Variants in PPAN observed in about 807,000 individuals in gnomAD.
PPAN encodes suppressor of SWI4 1 homolog.
In PPAN, 39 loss-of-function variants were observed where a neutral mutation model predicts 48.5. The ratio of observed to expected loss-of-function variants is 0.80; its 90% confidence interval spans 0.62 to 1.05. The LOEUF is 1.05. PPAN is among the 50% of genes least tolerant of loss of function. The probability of loss-of-function intolerance (pLI) is 0.00; values close to 1 mark genes in which losing one functional copy is unlikely to be tolerated. For synonymous variants in PPAN, 315 were observed against 268.6 expected (o/e 1.17, Z -1.69); for missense variants, 736 against 661.7 (o/e 1.11, Z -1.23).
At chr19:10,108,225 C>T (rs962581465) in intron 5 of PPAN, 91 bp downstream of exon 5, 29 of 1,490,736 alleles carry the variant, frequency 1.9e-5, no homozygotes, top group South Asian at 5.4e-5. Flanking sequence ...CTCCTCCCAG[C>T]GCTGAGACTG....
chr19:10,107,351 C>T (rs924010064), intron 2 of PPAN, among the ~76,000 whole-genome samples, 154 bp from the exon 3 acceptor site: 1 of 152,180 alleles, frequency 6.6e-6, no homozygotes, highest in African/African-American at 2.4e-5. Flanking sequence ...AATCTGCGTC[C>T]GACTGACTCT....
intron 2 of PPAN, 75 bp from the exon 3 acceptor site, chr19:10,107,430 A>G: frequency 6.6e-7 from 1 of 1,504,246 alleles, no homozygotes; most frequent in East Asian, 2.3e-5. Context: ...CCATAACAGG[A>G]TCTGCACCGT....
At chr19:10,107,303 G>A (rs1224041222) in intron 2 of PPAN, among the ~76,000 whole-genome samples, 1 of 152,210 alleles carries the variant, frequency 6.6e-6, no homozygotes, top group Non-Finnish European at 1.5e-5. Context: ...TTGTCAATGG[G>A]AAGATGCGCT....
intron 2 of PPAN, among the ~76,000 whole-genome samples, chr19:10,107,283 G>C (rs1016092796): frequency 6.6e-6 from 1 of 152,194 alleles, no homozygotes; most frequent in Non-Finnish European, 1.5e-5. Context: ...CTGGGCCTGA[G>C]TTCGCTCATT....
Position 10,107,833 on chromosome 19 carries a change from C to T in PPAN, c.321C>T (p.Thr107=), listed in dbSNP as rs1356369343. Residue 107 remains threonine (T), a synonymous_variant, in exon 4 of 12, where the codon ACC becomes ACT. Transcript: ENST00000253107. ...TGATGCGCCTCCCAGGAGGCCCCAC[C>T]TTGACCTTCCAGGTCAAGAAGGTGA... ...FKLMRLPGGP[T]LTFQVKKYSL... 1.2e-6 allele frequency: 2 copies of T among 1,613,726 alleles called. No individual in the cohort carries two copies. Among genetic ancestry groups the T allele is most frequent in the African/African-American group, 1.3e-5 (1 of 75,054 alleles).
At chr19:10,107,364 A>C (rs1243078156) in intron 2 of PPAN, 141 bp from the exon 3 acceptor site, 7 of 808,052 alleles carry the variant, frequency 8.7e-6, no homozygotes, top group Non-Finnish European at 1.3e-5. Context: ...CTGACTCTAA[A>C]GGCTAAGATC....
Position 10,110,692 on chromosome 19 carries a change from TC to T in PPAN, c.1032-3del. 6.2e-7 allele frequency: 1 copy of T among 1,613,080 alleles called. No individual in the cohort carries two copies. Among genetic ancestry groups the T allele is most frequent in the Non-Finnish European group, 8.5e-7 (1 of 1,179,662 alleles). ...GGCTATGTTGACCCCCACGCCCTCC[TC>T]CAGAAAGAAGAGCCTGGAGGGCATG... On this transcript the variant is annotated splice_polypyrimidine_tract_variant and splice_region_variant and intron_variant, in intron 10 of 11. Coordinates refer to ENST00000253107, the MANE Select transcript of PPAN (RefSeq NM_020230.7). The surrounding 1 kb of genome is among the most constrained non-coding windows in gnomAD (Gnocchi z 5.9).
intron 5 of PPAN, among the ~76,000 whole-genome samples, chr19:10,109,144 A>G (rs1599308615): frequency 6.6e-6 from 1 of 151,782 alleles, no homozygotes; most frequent in African/African-American, 2.4e-5. Flanking sequence ...TTGTATTTTT[A>G]GTAGAGACAG....
At chr19:10,108,528 C>T (rs942435106) in intron 5 of PPAN, among the ~76,000 whole-genome samples, 4 of 152,042 alleles carry the variant, frequency 2.6e-5, no homozygotes, top group African/African-American at 7.3e-5. Context: ...GTGGGAGGAT[C>T]GCTTGAAGCC....
At position 10,110,684 on chromosome 19, in the gene PPAN, C is replaced by G. The variant is rs373949920; in HGVS notation, c.1032-13C>G. On this transcript the variant is annotated splice_polypyrimidine_tract_variant and intron_variant, in intron 10 of 11. Transcript: ENST00000253107. This position sits in a 1 kb window ranked among gnomAD's most constrained non-coding sequence, Gnocchi z 5.9. ...GGATGGGCGGCTATGTTGACCCCCA[C>G]GCCCTCCTCCAGAAAGAAGAGCCTG... 6.2e-7 allele frequency: 1 copy of G among 1,612,910 alleles called. No individual in the cohort carries two copies.
At chr19:10,106,789 G>C in intron 2 of PPAN, 118 bp downstream of exon 2, 1 of 1,400,436 alleles carries the variant, frequency 7.1e-7, no homozygotes, top group Non-Finnish European at 9.4e-7. Flanking sequence ...TGGAAAAAAA[G>C]ACCCTCATGG....
upstream of PPAN, chr19:10,106,262 CG>C: frequency 6.9e-7 from 1 of 1,459,372 alleles, no homozygotes; most frequent in Non-Finnish European, 9.1e-7. Context: ...TGCCCCTCCC[CG>C]CTCCCAGAGG....
chr19:10,107,262 A>G lies in PPAN; in HGVS notation c.190-243A>G, dbSNP rs576702769. Among the ~76,000 whole-genome samples, 5 of 152,326 alleles carry G rather than the reference A, an allele frequency of 3.3e-5. No homozygotes were observed. In the South Asian group the frequency reaches 8.3e-4, roughly 25 times the overall value. ...TTCTCCCCAGTATCTGATGCAAGTT[A>G]CTTAACCTCTCTGGGCCTGAGTTCG... On this transcript the variant is annotated intron_variant, in intron 2 of 11. Coordinates refer to ENST00000253107, the MANE Select transcript of PPAN (RefSeq NM_020230.7).
At position 10,109,636 on chromosome 19, in the gene PPAN, C is replaced by T. The variant is rs753267440; in HGVS notation, c.519C>T (p.Asn173=). 2.5e-6 allele frequency: 4 copies of T among 1,613,250 alleles called. No individual in the cohort carries two copies. The highest frequency in any genetic ancestry group is 2.5e-6 in the Non-Finnish European group (3 of 1,179,660). Residue 173 remains asparagine, a synonymous_variant, in exon 6 of 12, where the codon AAC becomes AAT. Transcript: ENST00000253107. ...CTCTCTTCCTCCCCTTCCAGGTGAACCTGAACACCATCAAGCGCTGCCTCC... is the reference window on the plus strand; with the variant it reads ...CTCTCTTCCTCCCCTTCCAGGTGAATCTGAACACCATCAAGCGCTGCCTCC... ...LFPSINVHKV[N]LNTIKRCLLI...
Position 10,110,028 on chromosome 19 carries a change from G to C in PPAN, c.698+8G>C. ...CAGCGAGCTGCTGGCCACGTGAGGA[G>C]GGCATAGGGCGGGAGGCCACTGCGG... On this transcript the variant is annotated splice_region_variant and intron_variant, in intron 7 of 11. Coordinates refer to ENST00000253107, the MANE Select transcript of PPAN (RefSeq NM_020230.7). The surrounding 1 kb of genome is among the most constrained non-coding windows in gnomAD (Gnocchi z 5.9). 1 of 1,613,604 alleles carries C rather than the reference G, an allele frequency of 6.2e-7. No homozygotes were observed. Among genetic ancestry groups the C allele is most frequent in the East Asian group, 2.2e-5 (1 of 44,864 alleles).
chr19:10,110,146 A>G lies in PPAN; in HGVS notation c.722A>G (p.Glu241Gly), dbSNP rs1462534703. 1 of 1,610,530 alleles carries G rather than the reference A, an allele frequency of 6.2e-7. No homozygotes were observed. Among genetic ancestry groups the G allele is most frequent in the Non-Finnish European group, 8.5e-7 (1 of 1,179,934 alleles). ...LATGAGLSESEAEPDGDHNIT... is the reference protein window; with the variant it reads ...LATGAGLSESGAEPDGDHNIT... Reference sequence around the variant, plus strand: ...AGGGGCGCGGGGCTGTCGGAGAGCGAGGCAGAGCCTGACGGCGACCACAAC... The same window carrying G: ...AGGGGCGCGGGGCTGTCGGAGAGCGGGGCAGAGCCTGACGGCGACCACAAC... The change falls in exon 8 of 12, where the codon GAG becomes GGG. Residue 241 changes from glutamate to glycine, a missense_variant. Coordinates refer to ENST00000253107, the MANE Select transcript of PPAN (RefSeq NM_020230.7). The surrounding 1 kb of genome is among the most constrained non-coding windows in gnomAD (Gnocchi z 5.9).
chr19:10,111,739 G>A lies in PPAN; in HGVS notation c.*574G>A, dbSNP rs756723588. The A allele has an allele frequency of 2.9e-5, 47 of 1,613,536 alleles. No individual in the cohort carries two copies. Among genetic ancestry groups the A allele is most frequent in the African/African-American group, 1.3e-4 (10 of 74,874 alleles). ...ACGGGAGCATGGCAGCCAACGTCTC[G>A]GGTAAGGAGAAGGCATGTTGGCTGT... On this transcript the variant is annotated 3_prime_UTR_variant, in exon 12 of 12. Coordinates refer to ENST00000253107, the MANE Select transcript of PPAN (RefSeq NM_020230.7).
rs970189463 is a variant in PPAN, at chr19:10,106,392, A to G, written c.-3A>G. The G allele has an allele frequency of 6.5e-7, 1 of 1,549,526 alleles. No individual in the cohort carries two copies. The highest frequency in any genetic ancestry group is 1.2e-5 in the South Asian group (1 of 83,950). On this transcript the variant is annotated 5_prime_UTR_variant, in exon 1 of 12. Transcript: ENST00000253107. ...CAGGAGGCCTCGTGGAGGACACAGCAGCATGGGACAGTCAGGGAGGGTAAG... is the reference window on the plus strand; with the variant it reads ...CAGGAGGCCTCGTGGAGGACACAGCGGCATGGGACAGTCAGGGAGGGTAAG...
At chr19:10,109,777 C>T in intron 6 of PPAN, 70 bp downstream of exon 6, 1 of 1,590,708 alleles carries the variant, frequency 6.3e-7, no homozygotes. Flanking sequence ...CTGATGACAG[C>T]ACTTCTGCTG....
Sources: allele counts gnomAD v4.1 joint callset (sites outside exome capture counted in the v4.1 genomes callset), GRCh38; gene constraint gnomAD v4.1.1; non-coding constraint Gnocchi (gnomAD v3.1); transcripts MANE v1.5; gene names NCBI Gene and HGNC (gene_info 2026-07-23, HGNC 2026-07-21).